The following MAPT variants were observed in gnomAD, a reference collection of about 807,000 sequenced individuals.
The protein encoded by MAPT is microtubule-associated protein tau.
A neutral mutation model predicts 67.9 loss-of-function variants in MAPT; 34 were observed. That is an observed-to-expected ratio of 0.50 (90% CI 0.38 to 0.67). MAPT has a LOEUF of 0.67. Ranked by LOEUF, MAPT falls within the 30% of genes least tolerant of loss-of-function variation. MAPT has a pLI of 0.00. For missense variants in MAPT, 881 were observed against 1,115.2 expected (o/e 0.79, Z 2.99); for synonymous variants, 456 against 464.5 (o/e 0.98, Z 0.23).
rs561119531 is a variant in MAPT at position 45,913,764 on chromosome 17, T to C, written c.-18+19078T>C. On this transcript the variant is annotated intron_variant, in intron 1 of 12. Coordinates refer to ENST00000262410, the MANE Select transcript of MAPT (RefSeq NM_001377265.1). Reference sequence around the variant, plus strand: ...AAATGTTAAAGACAAATGTGGCCCATTTTCCTGTACAAAGAGGGCTGCTCC... The same window carrying C: ...AAATGTTAAAGACAAATGTGGCCCACTTTCCTGTACAAAGAGGGCTGCTCC... Among the ~76,000 whole-genome samples the C allele has an allele frequency of 9.2e-5, 14 of 152,314 alleles. 1 individual carries two copies. The South Asian group carries it at 2.7e-3, about 29-fold the overall frequency.
At chr17:45,933,763 C>A (rs1568193715) in intron 1 of MAPT, among the ~76,000 whole-genome samples, 1 of 152,074 alleles carries the variant, frequency 6.6e-6, no homozygotes, top group South Asian at 2.1e-4. Flanking sequence ...AGTCACTTGA[C>A]CTTCTTCCCA....
chr17:45,904,066 TTA>T (rs1380338636), intron 1 of MAPT, among the ~76,000 whole-genome samples: 1 of 43,792 alleles, frequency 2.3e-5, no homozygotes, highest in Non-Finnish European at 4.0e-5. Flanking sequence ...ATATTATATA[TTA>T]TATATTTATA....
At chr17:45,949,448 G>GGTT (rs1483220280) in intron 1 of MAPT, among the ~76,000 whole-genome samples, 2 of 152,224 alleles carry the variant, frequency 1.3e-5, no homozygotes, top group African/African-American at 4.8e-5. Context: ...TTCCCAAAGG[G>GGTT]GTTGCTCTGT....
chr17:46,010,148 C>T lies in MAPT; in HGVS notation c.1999-162C>T, dbSNP rs1198180051. ...GGATGTGACTCAACCTCCCGTCACT[C>T]CCCAGACTGCCTCTGCCAAGTCCGA... On this transcript the variant is annotated intron_variant, in intron 9 of 12. Transcript: ENST00000262410. The surrounding 1 kb of genome is among the most constrained non-coding windows in gnomAD (Gnocchi z 4.7). 1.3e-5 allele frequency among the ~76,000 whole-genome samples: 2 copies of T among 152,186 alleles called. No individual in the cohort carries two copies. Among genetic ancestry groups the T allele is most frequent in the Non-Finnish European group, 2.9e-5 (2 of 68,044 alleles).
chr17:45,990,532 C>G (rs1386752835), intron 7 of MAPT: 1 of 446,406 alleles, frequency 2.2e-6, no homozygotes, highest in Admixed American at 2.4e-5. Context: ...ACAAGGATTG[C>G]TTGAACCCCA....
Position 45,983,352 on chromosome 17 carries a change from A to T in MAPT, c.773A>T (p.His258Leu). 1 of 1,606,538 alleles carries T rather than the reference A, an allele frequency of 6.2e-7. No homozygotes were observed. The highest frequency in any genetic ancestry group is 2.2e-5 in the East Asian group (1 of 44,610). The part of the protein sequence containing the change: ...TGPEDTEGGR[H>L]APELLKHQLL... ...CCTGAGGACACAGAGGGCGGCCGCCACGCCCCTGAGCTGCTCAAGCACCAG... is the reference window on the plus strand; with the variant it reads ...CCTGAGGACACAGAGGGCGGCCGCCTCGCCCCTGAGCTGCTCAAGCACCAG... The change falls in exon 5 of 13, where the codon CAC becomes CTC. Residue 258 changes from histidine to leucine, a missense_variant. Physicochemically the swap from His to Leu is moderately conservative, Grantham distance 99. This residue lies in a region of MAPT where 687 missense variants were observed against 766.1 expected (regional missense o/e 0.90). Coordinates refer to ENST00000262410, the MANE Select transcript of MAPT (RefSeq NM_001377265.1).
rs2071713913 is a variant in MAPT at position 45,971,875 on chromosome 17, C to T, written c.150C>T (p.Thr50=). The T allele has an allele frequency of 3.7e-6, 6 of 1,613,696 alleles. No homozygotes were observed. The highest frequency in any genetic ancestry group is 5.1e-6 in the Non-Finnish European group (6 of 1,179,758). Residue 50 remains threonine, a synonymous_variant, in exon 3 of 13, where the codon ACC becomes ACT. Coordinates refer to ENST00000262410, the MANE Select transcript of MAPT (RefSeq NM_001377265.1). The surrounding 1 kb of genome is among the most constrained non-coding windows in gnomAD (Gnocchi z 4.3). The part of the protein sequence containing the change: ...DAGLKESPLQ[T]PTEDGSEEPG... ...GTGTTCCAGAATCTCCCCTGCAGAC[C>T]CCCACTGAGGACGGATCTGAGGAAC...
At chr17:45,993,802 C>A in intron 8 of MAPT, 2 of 958,754 alleles carry the variant, frequency 2.1e-6, no homozygotes, top group Non-Finnish European at 1.6e-6. Flanking sequence ...TTGGGCCCCT[C>A]GACCTTGTTT....
At chr17:46,005,390 A>G (rs971322893) in intron 9 of MAPT, among the ~76,000 whole-genome samples, 15 of 152,190 alleles carry the variant, frequency 9.9e-5, no homozygotes, top group Admixed American at 9.2e-4. Flanking sequence ...GTGTTTTCTA[A>G]TTCTAAGCTG....
rs1481907243 is a variant in MAPT at position 45,915,133 on chromosome 17, G to A, written c.-18+20447G>A. 6.6e-6 allele frequency among the ~76,000 whole-genome samples: 1 copy of A among 152,190 alleles called. No homozygotes were observed. Among genetic ancestry groups the A allele is most frequent in the Non-Finnish European group, 1.5e-5 (1 of 68,032 alleles). On this transcript the variant is annotated intron_variant, in intron 1 of 12. Transcript: ENST00000262410. This position sits in a 1 kb window ranked among gnomAD's most constrained non-coding sequence, Gnocchi z 4.4. Reference sequence around the variant, plus strand: ...AAAGGCTCCTCAAGTGATGCTGGCAGGCATGACGAATGTCCCTGGTCACAA... The same window carrying A: ...AAAGGCTCCTCAAGTGATGCTGGCAAGCATGACGAATGTCCCTGGTCACAA...
intron 5 of MAPT, among the ~76,000 whole-genome samples, 163 bp downstream of exon 5, chr17:45,984,093 C>T (rs907492091): frequency 6.6e-6 from 1 of 152,222 alleles, no homozygotes. Context: ...ACTCCCTCGG[C>T]CTCCTCCCGT....
At chr17:45,999,812 G>A (rs958040251) in intron 9 of MAPT, 9 of 702,144 alleles carry the variant, frequency 1.3e-5, no homozygotes, top group Non-Finnish European at 1.9e-5. Flanking sequence ...AAGTGGCAGA[G>A]GACACAGTCA....
chr17:45,924,441 G>C (rs1223836498), intron 1 of MAPT, among the ~76,000 whole-genome samples: 2 of 152,170 alleles, frequency 1.3e-5, no homozygotes, highest in Non-Finnish European at 2.9e-5. Context: ...CCATTCTCCC[G>C]GCCTCCACTC....
intron 1 of MAPT, among the ~76,000 whole-genome samples, chr17:45,902,122 T>A (rs1037328583): frequency 2.7e-4 from 41 of 152,300 alleles, no homozygotes; most frequent in African/African-American, 9.6e-4. Flanking sequence ...TCGCCCAGGC[T>A]TAAGTGCAAT....
rs1189824041 is a variant in MAPT, at chr17:45,906,926, G to C, written c.-18+12240G>C. Reference sequence around the variant, plus strand: ...TCTCACCAGCGATAAAATGATTTTAGACCTTATCATCTCACCCTCGGATCC... The same window carrying C: ...TCTCACCAGCGATAAAATGATTTTACACCTTATCATCTCACCCTCGGATCC... On this transcript the variant is annotated intron_variant, in intron 1 of 12. Coordinates refer to ENST00000262410, the MANE Select transcript of MAPT (RefSeq NM_001377265.1). The surrounding 1 kb of genome is among the most constrained non-coding windows in gnomAD (Gnocchi z 4.3). Among the ~76,000 whole-genome samples, 83 of 152,194 alleles carry C rather than the reference G, an allele frequency of 5.5e-4. No homozygotes were observed. Among genetic ancestry groups the C allele is most frequent in the Non-Finnish European group, 2.9e-5 (2 of 68,004 alleles).
At chr17:45,958,802 C>T (rs2070038908) in intron 1 of MAPT, among the ~76,000 whole-genome samples, 1 of 152,026 alleles carries the variant, frequency 6.6e-6, no homozygotes, top group African/African-American at 2.4e-5. Context: ...GTGGCTCACA[C>T]CTTTAATCCC....
At chr17:45,954,282 C>T (rs910803343) in intron 1 of MAPT, among the ~76,000 whole-genome samples, 1 of 152,170 alleles carries the variant, frequency 6.6e-6, no homozygotes, top group Non-Finnish European at 1.5e-5. Flanking sequence ...TGAGCAGTTA[C>T]AACAGAGACC....
intron 3 of MAPT, 164 bp downstream of exon 3, chr17:45,972,109 C>A: frequency 1.4e-6 from 1 of 708,500 alleles, no homozygotes; most frequent in Non-Finnish European, 2.6e-6. Context: ...TGCGTCGATG[C>A]CTTGCTTGCT....
intron 1 of MAPT, among the ~76,000 whole-genome samples, chr17:45,946,618 A>ATATATG (rs1568215808): frequency 2.0e-5 from 2 of 98,282 alleles, no homozygotes; most frequent in African/African-American, 8.2e-5. Flanking sequence ...AAAAAAAAAT[A>ATATATG]TATATATATA....
Sources: gnomAD v4.1 joint callset for allele counts (sites outside exome capture counted in the v4.1 genomes callset) on GRCh38, gnomAD v4.1.1 for gene constraint, gnomAD v4.1.1 regional missense constraint, Gnocchi (gnomAD v3.1) non-coding constraint, MANE v1.5 for transcripts, NCBI Gene and HGNC (gene_info 2026-07-23, HGNC 2026-07-21) for gene names.